USP9Y: variants seen among roughly 807,000 people sequenced by gnomAD.
USP9Y encodes the protein ubiquitin carboxyl-terminal hydrolase 9Y.
Under a neutral mutation model 53.1 loss-of-function variants are expected in USP9Y, and 41 were observed. That is an observed-to-expected ratio of 0.77 (90% CI 0.60 to 1.00). The LOEUF is 1.00. Ranked by LOEUF, USP9Y falls within the 50% of genes least tolerant of loss-of-function variation. The pLI is 0.00. For missense variants in USP9Y, 567 were observed against 535.8 expected (o/e 1.06, Z -0.58); for synonymous variants, 220 against 173.7 (o/e 1.27, Z -2.09).
In USP9Y at chrY:12,859,412, A is replaced by G; in HGVS notation, c.7664A>G (p.Gln2555Arg). The change falls in exon 46 of 46, where the codon CAG becomes CGG. Residue 2555 changes from glutamine to arginine, a missense_variant. Gln to Arg is a conservative substitution (Grantham distance 43, BLOSUM62 1). Transcript: ENST00000338981. The part of the protein sequence containing the change: ...EEVSSPQMKD[Q>R] ...GTATCCTCACCTCAGATGAAGGATC[A>G]GTGAAAAGCAATAATTAACTGCTTC... 1 of 397,973 alleles carries G rather than the reference A, an allele frequency of 2.5e-6. No individual in the cohort carries two copies. The highest frequency in any genetic ancestry group is 9.3e-5 in the East Asian group (1 of 10,795).
chrY:12,735,770 T>C, intron 8 of USP9Y, 43 bp downstream of exon 8: 1 of 288,187 alleles, frequency 3.5e-6, no homozygotes, highest in South Asian at 3.5e-5. Context: ...TCATGTTTGT[T>C]CAAATAATTG....
At position 12,842,354 on chromosome Y, in the gene USP9Y, T is replaced by C. The variant is rs2032602; in HGVS notation, c.6327T>C (p.Pro2109=). 1,937 of 395,776 alleles carry C rather than the reference T, an allele frequency of 4.9e-3. No individual in the cohort carries two copies. The East Asian group carries it at 0.17, about 36-fold the overall frequency. The change falls in exon 38 of 46, where the codon CCT becomes CCC. Residue 2109 remains proline, a synonymous_variant. Coordinates refer to ENST00000338981, the MANE Select transcript of USP9Y (RefSeq NM_004654.4). ...NRFSEYLLEC[P]SAEVRGAFAK... is the part of the protein sequence containing the mutation. ...TCTCTGAATACCTTCTGGAGTGCCC[T>C]AGTGCAGAAGTGAGGGGTGCATTTG...
intron 44 of USP9Y, 31 bp from the exon 45 acceptor site, chrY:12,857,535 A>G (rs1173800618): frequency 3.1e-6 from 1 of 327,798 alleles, no homozygotes; most frequent in Admixed American, 8.8e-5. Context: ...TTATAATCTA[A>G]TGCTTAATCT....
At chrY:12,782,434 C>T in intron 22 of USP9Y, among the ~76,000 whole-genome samples, 1 of 33,607 alleles carries the variant, frequency 3.0e-5, no homozygotes, top group South Asian at 6.7e-4. Context: ...CATACATCTC[C>T]GTGAGAGCTC....
chrY:12,751,573 A>G lies in USP9Y; in HGVS notation c.1423-5619A>G, dbSNP rs774897733. On this transcript the variant is annotated intron_variant, in intron 12 of 45. Transcript: ENST00000338981. ...GTTAGCAAATATTTTCAAACAGTCT[A>G]TAGCATATCTTTTTGTCCGCTTTAA... Among the ~76,000 whole-genome samples, 7 of 33,761 alleles carry G rather than the reference A, an allele frequency of 2.1e-4. No individual in the cohort carries two copies. The East Asian group carries it at 5.4e-3, about 26-fold the overall frequency. The allele number at this position is 33,761 out of a possible 37,273, so 90.6% of individuals were successfully genotyped here.
intron 12 of USP9Y, among the ~76,000 whole-genome samples, chrY:12,755,604 TA>T (rs2053467612): frequency 5.9e-5 from 2 of 33,931 alleles, no homozygotes. Context: ...GTTATTGGAA[TA>T]TTTTTTAAAT....
chrY:12,818,367 C>T, intron 32 of USP9Y, 53 bp from the exon 33 acceptor site: 3 of 321,685 alleles, frequency 9.3e-6, no homozygotes, highest in South Asian at 3.2e-5. Context: ...CAGCTTCTTT[C>T]GTTATACTGT....
chrY:12,753,224 G>T, intron 12 of USP9Y, among the ~76,000 whole-genome samples: 1 of 33,730 alleles, frequency 3.0e-5, no homozygotes, highest in Non-Finnish European at 7.4e-5. Context: ...TTCGCCTCCT[G>T]TCACTGGGAT....
chrY:12,707,773 C>G (rs771527248), intron 1 of USP9Y, among the ~76,000 whole-genome samples: 4 of 24,725 alleles, frequency 1.6e-4, no homozygotes, highest in Non-Finnish European at 9.1e-5. Context: ...GAGTCTCACT[C>G]TGTCGCCCAG....
intron 1 of USP9Y, among the ~76,000 whole-genome samples, chrY:12,706,234 G>C: frequency 3.0e-5 from 1 of 33,205 alleles, no homozygotes; most frequent in Admixed American, 2.8e-4. Flanking sequence ...GCTTGCATAT[G>C]CTTTTAGAGC....
chrY:12,779,286 C>G (rs757567187), intron 21 of USP9Y, among the ~76,000 whole-genome samples: 14 of 32,844 alleles, frequency 4.3e-4, no homozygotes, highest in Non-Finnish European at 9.8e-4. Context: ...AAAACTGTTG[C>G]AATGAAATTA....
chrY:12,833,156 G>A (rs2053551773), intron 33 of USP9Y, among the ~76,000 whole-genome samples: 1 of 32,559 alleles, frequency 3.1e-5, no homozygotes, highest in African/African-American at 1.2e-4. Flanking sequence ...TTCTCATTTT[G>A]TATACTTATC....
In USP9Y at chrY:12,816,183, G is replaced by C; in HGVS notation, c.4669G>C (p.Gly1557Arg). Residue 1557 changes from glycine (G) to arginine (R), a missense_variant, in exon 32 of 46, where the codon GGA (glycine) becomes CGA (arginine). Coordinates refer to ENST00000338981, the MANE Select transcript of USP9Y (RefSeq NM_004654.4). ...CCCTGTTGGACCCCGCCCACCAAAA[G>C]GATTTGTGGGACTCAAAAATGCTGG... ...LPPVGPRPPK[G>R]FVGLKNAGAT... 1 of 398,652 alleles carries C rather than the reference G, an allele frequency of 2.5e-6. No homozygotes were observed. Among genetic ancestry groups the C allele is most frequent in the African/African-American group, 6.2e-5 (1 of 16,245 alleles).
Position 12,701,679 on chromosome Y carries a change from T to A in USP9Y, c.-497T>A, listed in dbSNP as rs781309988. On this transcript the variant is annotated 5_prime_UTR_variant, in exon 1 of 46. Transcript: ENST00000338981. ...CTCAAATGTGGAATAGTAGAAGAGG[T>A]GAAGAAAATCATAGTTTGAGGTAGA... 3 of 33,669 alleles carry A rather than the reference T, an allele frequency of 8.9e-5. No individual in the cohort carries two copies. Among genetic ancestry groups the A allele is most frequent in the Non-Finnish European group, 1.5e-4 (2 of 13,592 alleles). The allele number at this position is 33,669 out of a possible 400,897, so 8.4% of individuals were successfully genotyped here.
chrY:12,725,681 C>T (rs758600344), intron 6 of USP9Y, among the ~76,000 whole-genome samples: 1 of 33,531 alleles, frequency 3.0e-5, no homozygotes, highest in South Asian at 6.6e-4. Context: ...ATGTAATGTG[C>T]AGAGAATGAA....
chrY:12,847,538 G>C, intron 42 of USP9Y, among the ~76,000 whole-genome samples: 1 of 31,383 alleles, frequency 3.2e-5, no homozygotes, highest in Non-Finnish European at 7.7e-5. Flanking sequence ...ATGCAGGTTT[G>C]ATACATAGGT....
chrY:12,757,550 G>A (rs2053470274), intron 13 of USP9Y, 152 bp downstream of exon 13: 2 of 151,990 alleles, frequency 1.3e-5, no homozygotes, highest in Non-Finnish European at 2.4e-5. Flanking sequence ...GCAGTGGCGC[G>A]ATCTCGGCTT....
chrY:12,819,019 A>C, intron 33 of USP9Y, among the ~76,000 whole-genome samples: 2 of 33,094 alleles, frequency 6.0e-5, no homozygotes. Context: ...ATCTCTACCA[A>C]AACTACAAAA....
chrY:12,811,210 G>C (rs2053530356), intron 29 of USP9Y, among the ~76,000 whole-genome samples: 1 of 33,716 alleles, frequency 3.0e-5, no homozygotes, highest in Non-Finnish European at 7.4e-5. Flanking sequence ...AAAGTTCTAT[G>C]AGAGTATATT....
Sources: allele counts gnomAD v4.1 joint callset (sites outside exome capture counted in the v4.1 genomes callset), GRCh38; gene constraint gnomAD v4.1.1; transcripts MANE v1.5; gene names NCBI Gene and HGNC (gene_info 2026-07-23, HGNC 2026-07-21).